CRACD: variants seen among roughly 807,000 people sequenced by gnomAD.
CRACD encodes capping protein inhibiting regulator of actin dynamics, also known as capping protein-inhibiting regulator of actin dynamics.
CRACD carries 56 observed loss-of-function variants against 106.8 expected under a neutral mutation model. That is an observed-to-expected ratio of 0.52 (90% CI 0.42 to 0.66). CRACD has a LOEUF of 0.66. Ranked by LOEUF, CRACD falls within the 30% of genes least tolerant of loss-of-function variation. The pLI is 0.00. For synonymous variants in CRACD, 754 were observed against 670.8 expected, an observed-to-expected ratio of 1.12 and a Z score of -1.92; for missense variants, 1,730 against 1,623.2, an observed-to-expected ratio of 1.07 and a Z score of -1.13.
chr4:56,231,507 A>C (rs1465061870), intron 2 of CRACD, among the ~76,000 whole-genome samples: 1 of 152,250 alleles, frequency 6.6e-6, no homozygotes, highest in African/African-American at 2.4e-5. Flanking sequence ...GCAGAAATGC[A>C]TGCATTTATT....
chr4:56,283,202 C>T (rs1743128808), intron 3 of CRACD, among the ~76,000 whole-genome samples: 1 of 152,132 alleles, frequency 6.6e-6, no homozygotes, highest in Admixed American at 6.5e-5. Flanking sequence ...GGCAGCAGCA[C>T]ATGCCACCAA....
intron 2 of CRACD, among the ~76,000 whole-genome samples, chr4:56,204,851 G>C (rs1352184929): frequency 3.3e-5 from 5 of 152,068 alleles, no homozygotes; most frequent in Non-Finnish European, 7.4e-5. Flanking sequence ...TTTAAAACTG[G>C]ATTCTGACAT....
chr4:56,223,000 A>G (rs74744023), intron 2 of CRACD, among the ~76,000 whole-genome samples: 2,554 of 151,590 alleles, frequency 0.017, 71 homozygotes, highest in African/African-American at 0.057. Flanking sequence ...AAAATTAATT[A>G]ATTAAATTAA....
intron 1 of CRACD, among the ~76,000 whole-genome samples, chr4:56,084,911 A>G (rs1033087947): frequency 2.6e-5 from 4 of 152,220 alleles, no homozygotes; most frequent in African/African-American, 9.6e-5. Flanking sequence ...CGGATTGCAT[A>G]TAAAGCTGCT....
chr4:56,107,110 C>T (rs1017140251), intron 1 of CRACD, among the ~76,000 whole-genome samples: 2 of 152,154 alleles, frequency 1.3e-5, no homozygotes, highest in Non-Finnish European at 2.9e-5. Flanking sequence ...GTAGCTGGGA[C>T]TACGGGCATG....
chr4:56,066,794 G>A (rs1732479663), intron 1 of CRACD, among the ~76,000 whole-genome samples: 1 of 152,084 alleles, frequency 6.6e-6, no homozygotes, highest in East Asian at 1.9e-4. Flanking sequence ...GCCCATGGAA[G>A]AGGCTGTATA....
intron 2 of CRACD, among the ~76,000 whole-genome samples, chr4:56,212,771 C>T (rs1738473979): frequency 6.6e-6 from 1 of 152,134 alleles, no homozygotes; most frequent in South Asian, 2.1e-4. Context: ...CTAAGTTTGC[C>T]ACCCCTGCAA....
chr4:56,305,196 G>A (rs914806326), intron 4 of CRACD, among the ~76,000 whole-genome samples: 2 of 152,198 alleles, frequency 1.3e-5, no homozygotes, highest in African/African-American at 4.8e-5. Context: ...ACTCTAGCCT[G>A]TGCGACAGAA....
intron 2 of CRACD, among the ~76,000 whole-genome samples, chr4:56,180,482 C>G (rs1266346265): frequency 6.7e-6 from 1 of 148,706 alleles, no homozygotes; most frequent in Non-Finnish European, 1.5e-5. Context: ...GTGCAAGACT[C>G]CATCTCAAAA....
chr4:56,214,229 G>C (rs547340166), intron 2 of CRACD, among the ~76,000 whole-genome samples: 1 of 152,164 alleles, frequency 6.6e-6, no homozygotes, highest in Non-Finnish European at 1.5e-5. Context: ...ATAATGAAAG[G>C]GGTGAGAGGG....
intron 2 of CRACD, among the ~76,000 whole-genome samples, chr4:56,195,211 A>G (rs1737547412): frequency 6.6e-6 from 1 of 152,118 alleles, no homozygotes; most frequent in African/African-American, 2.4e-5. Context: ...CTTAATACAA[A>G]CAACCAGCAT....
At chr4:56,189,491 G>A (rs1168168840) in intron 2 of CRACD, among the ~76,000 whole-genome samples, 1 of 150,934 alleles carries the variant, frequency 6.6e-6, no homozygotes, top group African/African-American at 2.4e-5. Context: ...TTGGTGTGCT[G>A]CACCCATTAA....
intron 2 of CRACD, among the ~76,000 whole-genome samples, chr4:56,204,139 C>G (rs544597612): frequency 6.6e-6 from 1 of 152,332 alleles, no homozygotes; most frequent in Admixed American, 6.5e-5. Context: ...CATCCTCATG[C>G]AGGGAACAGT....
chr4:56,169,310 A>AT (rs1423020710), intron 1 of CRACD, among the ~76,000 whole-genome samples: 1 of 152,208 alleles, frequency 6.6e-6, no homozygotes, highest in East Asian at 1.9e-4. Flanking sequence ...AACAAGCATC[A>AT]TATCTAAAGT....
rs535413790 is a variant in CRACD, at chr4:56,067,825, C to A, written c.-336+18526C>A. Among the ~76,000 whole-genome samples the A allele has an allele frequency of 2.6e-3, 391 of 152,328 alleles. 1 individual carries two copies. The highest frequency in any genetic ancestry group is 5.4e-3 in the South Asian group (26 of 4,822). ...TTCTGACCTCAGATGATCCACCTGC[C>A]TCGGCCTTCCAAAGTGCTGGGATTA... On this transcript the variant is annotated intron_variant, in intron 1 of 10. Transcript: ENST00000682029.
chr4:56,296,916 G>GTTTTTTTTTTTTTTT (rs1744076367), intron 3 of CRACD, among the ~76,000 whole-genome samples: 1 of 123,532 alleles, frequency 8.1e-6, no homozygotes, highest in African/African-American at 3.1e-5. Flanking sequence ...CTTTTTTTTT[G>GTTTTTTTTTTTTTTT]TTTGTTTTTT....
intron 2 of CRACD, among the ~76,000 whole-genome samples, chr4:56,236,628 A>G (rs926003629): frequency 5.3e-5 from 8 of 152,102 alleles, no homozygotes; most frequent in African/African-American, 1.2e-4. Flanking sequence ...GCTCAATGAC[A>G]TGAGAAAACA....
At chr4:56,222,781 GAAAAAC>G (rs368424732) in intron 2 of CRACD, among the ~76,000 whole-genome samples, 12 of 151,612 alleles carry the variant, frequency 7.9e-5, no homozygotes, top group East Asian at 7.8e-4. Context: ...CATCTCTACT[GAAAAAC>G]AAAAACAAAA....
At chr4:56,293,853 A>G (rs764786656) in intron 3 of CRACD, among the ~76,000 whole-genome samples, 4 of 152,240 alleles carry the variant, frequency 2.6e-5, no homozygotes, top group Non-Finnish European at 5.9e-5. Context: ...TCGGGGACAC[A>G]GATCCAAACC....
Sources: gnomAD v4.1 joint callset for allele counts (sites outside exome capture counted in the v4.1 genomes callset) on GRCh38, gnomAD v4.1.1 for gene constraint, MANE v1.5 for transcripts, NCBI Gene and HGNC (gene_info 2026-07-23, HGNC 2026-07-21) for gene names.